Variants in ANO10 observed in about 807,000 individuals in gnomAD.
ANO10 encodes anoctamin 10.
A neutral mutation model predicts 74.7 loss-of-function variants in ANO10; 77 were observed. The ratio of observed to expected loss-of-function variants is 1.03; its 90% CI spans 0.86 to 1.25. ANO10 has a LOEUF of 1.25. Ranked by LOEUF, ANO10 falls within the 50% of genes most tolerant of loss-of-function variation. The pLI, the probability that ANO10 is intolerant of heterozygous loss-of-function variation, is 0.00. For synonymous variants in ANO10, 279 were observed against 284.9 expected, an observed-to-expected ratio of 0.98 and a Z score of 0.21; for missense variants, 721 against 778.1, an observed-to-expected ratio of 0.93 and a Z score of 0.87.
intron 12 of ANO10, among the ~76,000 whole-genome samples, chr3:43,421,730 T>C (rs1325835946): frequency 6.6e-6 from 1 of 152,088 alleles, no homozygotes; most frequent in African/African-American, 2.4e-5. Flanking sequence ...TCCAGCTACT[T>C]GGTAGGCTGA....
intron 7 of ANO10, among the ~76,000 whole-genome samples, chr3:43,570,563 C>G (rs1010976336): frequency 6.6e-6 from 1 of 152,062 alleles, no homozygotes; most frequent in African/African-American, 2.4e-5. Flanking sequence ...TGACAAACCT[C>G]ACAAAAACAA....
intron 10 of ANO10, among the ~76,000 whole-genome samples, chr3:43,552,728 ATGTATGTATG>A (rs1358807132): frequency 2.4e-4 from 24 of 100,194 alleles, no homozygotes; most frequent in African/African-American, 5.3e-4. Flanking sequence ...ATATATATAT[ATGTATGTATG>A]TATGTATGTA....
upstream of ANO10, among the ~76,000 whole-genome samples, chr3:43,624,507 T>C (rs1203802850): frequency 6.6e-6 from 1 of 152,170 alleles, no homozygotes; most frequent in Non-Finnish European, 1.5e-5. Flanking sequence ...GTGTGTGGCA[T>C]CTTGCTCTCT....
At chr3:43,393,693 T>G (rs2092321805) in intron 12 of ANO10, among the ~76,000 whole-genome samples, 1 of 152,158 alleles carries the variant, frequency 6.6e-6, no homozygotes, top group African/African-American at 2.4e-5. Context: ...ATTTCTTTTT[T>G]ATTCTTTTCC....
At chr3:43,542,379 G>GT (rs1361445603) in intron 11 of ANO10, among the ~76,000 whole-genome samples, 16 of 152,168 alleles carry the variant, frequency 1.1e-4, no homozygotes, top group Admixed American at 9.8e-4. Flanking sequence ...TAGAAGGTAC[G>GT]TAAGAGAGGG....
rs555768367 is a variant in ANO10 at position 43,615,801 on chromosome 3, A to C, written c.-12+6108T>G. ...CCCGAGTAGCTGGGACTACAGGGGC[A>C]TGCCACCACGCCCAGCTAAGTTTTT... On this transcript the variant is annotated intron_variant, in intron 1 of 12. Coordinates refer to ENST00000292246, the MANE Select transcript of ANO10 (RefSeq NM_018075.5). Among the ~76,000 whole-genome samples, 66 of 151,962 alleles carry C rather than the reference A, an allele frequency of 4.3e-4. No individual in the cohort carries two copies. The South Asian group carries it at 6.9e-3, about 16-fold the overall frequency.
intron 2 of ANO10, among the ~76,000 whole-genome samples, 191 bp from the exon 3 acceptor site, chr3:43,600,772 G>A (rs997233555): frequency 4.6e-5 from 7 of 152,030 alleles, no homozygotes; most frequent in African/African-American, 1.7e-4. Flanking sequence ...TTCAATAAAT[G>A]GAAAAACTGA....
intron 11 of ANO10, among the ~76,000 whole-genome samples, chr3:43,501,704 A>C (rs1575277685): frequency 6.6e-6 from 1 of 152,224 alleles, no homozygotes; most frequent in East Asian, 1.9e-4. Context: ...ACAGCCCAGC[A>C]TAATAATGTC....
At chr3:43,486,369 T>C (rs2076490419) in intron 11 of ANO10, among the ~76,000 whole-genome samples, 1 of 152,034 alleles carries the variant, frequency 6.6e-6, no homozygotes, top group South Asian at 2.1e-4. Context: ...TTGATGGGGA[T>C]GGCATTGAAT....
At chr3:43,618,587 T>C (rs2083235976) in intron 1 of ANO10, among the ~76,000 whole-genome samples, 1 of 152,160 alleles carries the variant, frequency 6.6e-6, no homozygotes, top group Admixed American at 6.5e-5. Flanking sequence ...TCACACTTGG[T>C]AAAGAGTAAA....
chr3:43,474,978 G>C lies in ANO10; in HGVS notation c.1798-42251C>G, dbSNP rs913401204. Among the ~76,000 whole-genome samples the C allele has an allele frequency of 4.6e-5, 7 of 152,142 alleles. No individual in the cohort carries two copies. In the East Asian group the frequency reaches 1.4e-3, roughly 29 times the overall value. On this transcript the variant is annotated intron_variant, in intron 11 of 12. Transcript: ENST00000292246. The stretch of plus-strand genomic sequence containing the variant: ...AATCACTATAGTAGGAGAAAAGAAA[G>C]AAACACAGAAAAGCCAAAATAAATA...
intron 1 of ANO10, among the ~76,000 whole-genome samples, chr3:43,633,894 TAA>T (rs1045688019): frequency 8.4e-6 from 1 of 119,756 alleles, no homozygotes; most frequent in Admixed American, 9.4e-5. Flanking sequence ...GCATCGTAGC[TAA>T]AAAAAAAAAA....
At chr3:43,614,135 G>A (rs964843122) in intron 1 of ANO10, among the ~76,000 whole-genome samples, 4 of 152,166 alleles carry the variant, frequency 2.6e-5, no homozygotes, top group Non-Finnish European at 4.4e-5. Flanking sequence ...CTGGGGACAC[G>A]CATCAAAGGT....
At chr3:43,394,006 T>C (rs2092329155) in intron 12 of ANO10, among the ~76,000 whole-genome samples, 1 of 151,706 alleles carries the variant, frequency 6.6e-6, no homozygotes, top group Non-Finnish European at 1.5e-5. Context: ...CCCCTGGGGG[T>C]GGGAAAAGGC....
At chr3:43,560,146 GCTT>G (rs960192454) in intron 9 of ANO10, among the ~76,000 whole-genome samples, 46 of 152,236 alleles carry the variant, frequency 3.0e-4, no homozygotes, top group African/African-American at 9.4e-4. Context: ...TTCAAAGGAG[GCTT>G]TAAAAAAGCT....
At chr3:43,514,573 CA>C (rs979769448) in intron 11 of ANO10, among the ~76,000 whole-genome samples, 2 of 151,856 alleles carry the variant, frequency 1.3e-5, no homozygotes, top group Non-Finnish European at 2.9e-5. Context: ...AAAAAGTAGA[CA>C]AAAAAAGCAG....
At chr3:43,482,661 G>T (rs1013067729) in intron 11 of ANO10, among the ~76,000 whole-genome samples, 3 of 152,168 alleles carry the variant, frequency 2.0e-5, no homozygotes, top group Non-Finnish European at 4.4e-5. Context: ...GCTTCTGAGG[G>T]GCTCTCTCTG....
At chr3:43,552,641 G>A (rs1489507621) in intron 10 of ANO10, among the ~76,000 whole-genome samples, 2 of 148,618 alleles carry the variant, frequency 1.3e-5, no homozygotes, top group Non-Finnish European at 3.0e-5. Flanking sequence ...CTCTTAGTTC[G>A]CCTGCATCTG....
chr3:43,514,736 A>G (rs2077642219), intron 11 of ANO10, among the ~76,000 whole-genome samples: 2 of 152,208 alleles, frequency 1.3e-5, no homozygotes, highest in Admixed American at 1.3e-4. Flanking sequence ...ACATTAAATA[A>G]GTCTCAATAA....
Sources: gnomAD v4.1 joint callset for allele counts (sites outside exome capture counted in the v4.1 genomes callset) on GRCh38, gnomAD v4.1.1 for gene constraint, MANE v1.5 for transcripts, NCBI Gene and HGNC (gene_info 2026-07-23, HGNC 2026-07-21) for gene names.